Variants in ATG2A observed in about 807,000 individuals in gnomAD.
ATG2A encodes autophagy related 2A.
In ATG2A, 103 loss-of-function variants were observed where a neutral mutation model predicts 214.2. The observed-to-expected ratio is 0.48, with a 90% CI of 0.41 to 0.57. The LOEUF (loss-of-function observed/expected upper bound fraction) is 0.57. Among genes scored for constraint, ATG2A ranks in the 20% least tolerant of loss-of-function variants. The pLI, the probability that ATG2A is intolerant of heterozygous loss-of-function variation, is 0.00. For synonymous variants in ATG2A, 1,160 were observed against 1,142.1 expected (o/e 1.02, Z -0.32); for missense variants, 2,312 against 2,613.2 (o/e 0.88, Z 2.51).
rs1213167023 is a variant in ATG2A at position 64,903,900 on chromosome 11, G to A, written c.3465-240C>T. Among the ~76,000 whole-genome samples the A allele has an allele frequency of 6.6e-6, 1 of 152,218 alleles. No homozygotes were observed. The highest frequency in any genetic ancestry group is 6.5e-5 in the Admixed American group (1 of 15,282). On this transcript the variant is annotated intron_variant, in intron 24 of 40. Coordinates refer to ENST00000377264, the MANE Select transcript of ATG2A (RefSeq NM_015104.3). This position sits in a 1 kb window ranked among gnomAD's most constrained non-coding sequence, Gnocchi z 4.2. ...CTCAATGGGGCCTCATGACAGTCCTGGGAAGGGGTGTCCATTTTTCTCCCT... is the reference window on the plus strand; with the variant it reads ...CTCAATGGGGCCTCATGACAGTCCTAGGAAGGGGTGTCCATTTTTCTCCCT...
Position 64,913,378 on chromosome 11 carries a change from A to G in ATG2A, c.614T>C (p.Val205Ala), listed in dbSNP as rs1174048814. ...CGGCGGCGCCTGGCTTGGGTCCCGC[A>G]CTGCCTCATCACAGTACTCCAGTCT... ...VQRLEYCDEA[V>A]RDPSQAPPVD... The change falls in exon 5 of 41, where the codon GTG becomes GCG. Residue 205 changes from valine to alanine, a missense_variant. Val to Ala is a moderately conservative substitution (Grantham distance 64). Transcript: ENST00000377264. The surrounding 1 kb of genome is among the most constrained non-coding windows in gnomAD (Gnocchi z 4.3). 2 of 1,596,328 alleles carry G rather than the reference A, an allele frequency of 1.3e-6. No individual in the cohort carries two copies. The highest frequency in any genetic ancestry group is 1.7e-6 in the Non-Finnish European group (2 of 1,172,834).
In ATG2A at chr11:64,898,528, G is replaced by C; in HGVS notation, c.4671+108C>G. 1 of 1,404,282 alleles carries C rather than the reference G, an allele frequency of 7.1e-7. No individual in the cohort carries two copies. The highest frequency in any genetic ancestry group is 9.9e-7 in the Non-Finnish European group (1 of 1,012,184). 87.0% of individuals were successfully genotyped at this position (1,404,282 alleles called of 1,614,324 possible). ...TCTCCCAGGCTCACAAACAACCTGG[G>C]TGTTTGTGTGGGAATGCGTGTATGT... is the stretch of plus-strand genomic sequence containing the variant. On this transcript the variant is annotated intron_variant, in intron 32 of 40. Transcript: ENST00000377264. The surrounding 1 kb of genome is among the most constrained non-coding windows in gnomAD (Gnocchi z 4.5).
At position 64,911,101 on chromosome 11, in the gene ATG2A, C is replaced by A. The variant is rs201670826; in HGVS notation, c.1403G>T (p.Gly468Val). The A allele has an allele frequency of 1.2e-6, 2 of 1,614,020 alleles. No individual in the cohort carries two copies. Among genetic ancestry groups the A allele is most frequent in the East Asian group, 4.5e-5 (2 of 44,878 alleles). Residue 468 changes from glycine (G) to valine (V), a missense_variant, in exon 10 of 41, where the codon GGT (glycine) becomes GTT (valine). Transcript: ENST00000377264. ...EFDATKDGPFGSRDFHHLRPR... is the reference protein window; with the variant it reads ...EFDATKDGPFVSRDFHHLRPR... ...TCGAAGGTGATGGAAGTCTCGGGAA[C>A]CGAAGGGCCCATCCTTGGTGGCATC...
At position 64,897,925 on chromosome 11, in the gene ATG2A, G is replaced by A. The variant is rs770602801; in HGVS notation, c.4908C>T (p.Ala1636=). The A allele has an allele frequency of 8.4e-6, 13 of 1,551,364 alleles. No homozygotes were observed. The highest frequency in any genetic ancestry group is 1.7e-4 in the Middle Eastern group (1 of 5,764). ...GCGAACCAGTGGTCTCTACGCCTTC[G>A]GCCTGCCCTTCCAGGGGGCTGCTGG... ...AQPSSPLEGQ[A]EGVETTGSQE... is the part of the protein sequence containing the mutation. The change falls in exon 35 of 41, where the codon GCC becomes GCT. Residue 1636 remains alanine (A), a synonymous_variant. Coordinates refer to ENST00000377264, the MANE Select transcript of ATG2A (RefSeq NM_015104.3).
At position 64,909,017 on chromosome 11, in the gene ATG2A, TAG is replaced by T; in HGVS notation, c.2336_2337del (p.Ser779Ter). ...TCCTCTGTCTCATACATGGTCCTCT[TAG>T]AGGAGAAGGGCGAGGGCTCAGGTTC... ...LREPEPSPFS[S>X]KRTMYETEEM... On this transcript the variant is annotated frameshift_variant, in exon 16 of 41. Transcript: ENST00000377264. LOFTEE classifies it high-confidence loss of function. The T allele has an allele frequency of 6.2e-7, 1 of 1,603,540 alleles. No individual in the cohort carries two copies. The highest frequency in any genetic ancestry group is 8.5e-7 in the Non-Finnish European group (1 of 1,175,342).
At position 64,906,415 on chromosome 11, in the gene ATG2A, C is replaced by A; in HGVS notation, c.3102G>T (p.Ser1034=). The A allele has an allele frequency of 6.2e-7, 1 of 1,613,196 alleles. No homozygotes were observed. Among genetic ancestry groups the A allele is most frequent in the Non-Finnish European group, 8.5e-7 (1 of 1,180,008 alleles). Residue 1034 remains serine, a synonymous_variant, in exon 21 of 41, where the codon TCG becomes TCT. Transcript: ENST00000377264. ...GTCCCCGGCCCTGGCCCTTGCGGCC[C>A]GAGGCTCCCCGCTCGGTCACCCCTT... ...SEEGVTERGA[S]GRKGQGRGPH... is the part of the protein sequence containing the mutation.
rs772926397 is a variant in ATG2A, at chr11:64,894,907, G to A, written c.*66C>T. On this transcript the variant is annotated 3_prime_UTR_variant, in exon 41 of 41. Transcript: ENST00000377264. ...GGGCCAGGCCGGGCCGGGCCCGTGG[G>A]CTGCAGCTCTTGGGAGGCTCAGGAG... The A allele has an allele frequency of 1.3e-6, 2 of 1,580,272 alleles. No individual in the cohort carries two copies. The highest frequency in any genetic ancestry group is 1.7e-6 in the Non-Finnish European group (2 of 1,155,604).
rs189281733 is a variant in ATG2A at position 64,903,496 on chromosome 11, G to T, written c.3535+94C>A. On this transcript the variant is annotated intron_variant, in intron 25 of 40. Transcript: ENST00000377264. This position sits in a 1 kb window ranked among gnomAD's most constrained non-coding sequence, Gnocchi z 4.2. ...GGCTACGTGTGGGAGCTAAGGACCC[G>T]GCCAGCAGCTGCGGGGAGACACCTG... 4.0e-6 allele frequency: 6 copies of T among 1,482,344 alleles called. No individual in the cohort carries two copies. The allele number at this position is 1,482,344 out of a possible 1,614,324, so 91.8% of individuals were successfully genotyped here.
chr11:64,895,370 A>G lies in ATG2A; in HGVS notation c.5500T>C (p.Ser1834Pro), dbSNP rs759188147. 1 of 1,612,718 alleles carries G rather than the reference A, an allele frequency of 6.2e-7. No individual in the cohort carries two copies. Among genetic ancestry groups the G allele is most frequent in the Non-Finnish European group, 8.5e-7 (1 of 1,179,650 alleles). Residue 1834 changes from serine (S) to proline (P), a missense_variant, in exon 40 of 41, where the codon TCT becomes CCT. Transcript: ENST00000377264. This position sits in a 1 kb window ranked among gnomAD's most constrained non-coding sequence, Gnocchi z 5.0. ...TGGCCCCTGCGCAGCCTCCGCGCAGAGCGCTTATCCTGCAGGGAGCGGGAG... is the reference window on the plus strand; with the variant it reads ...TGGCCCCTGCGCAGCCTCCGCGCAGGGCGCTTATCCTGCAGGGAGCGGGAG... The part of the protein sequence containing the change: ...PVSRSLQDKR[S>P]ARRLRRGQQP...
At chr11:64,897,597 G>A (rs2136540673) in intron 36 of ATG2A, 74 bp downstream of exon 36, 1 of 1,608,034 alleles carries the variant, frequency 6.2e-7, no homozygotes. Context: ...GTGCCTGGAT[G>A]CAAGACCTGG....
intron 26 of ATG2A, 84 bp from the exon 27 acceptor site, chr11:64,902,764 G>T: frequency 7.7e-7 from 1 of 1,305,712 alleles, no homozygotes; most frequent in Non-Finnish European, 1.1e-6. Flanking sequence ...GGAGGGCACC[G>T]CAGTTCTGAT....
At position 64,896,852 on chromosome 11, in the gene ATG2A, T is replaced by C; in HGVS notation, c.5168A>G (p.Lys1723Arg). 1 of 1,613,986 alleles carries C rather than the reference T, an allele frequency of 6.2e-7. No individual in the cohort carries two copies. Among genetic ancestry groups the C allele is most frequent in the Non-Finnish European group, 8.5e-7 (1 of 1,179,918 alleles). Residue 1723 changes from lysine to arginine, a missense_variant, in exon 38 of 41, where the codon AAG (lysine) becomes AGG (arginine). Transcript: ENST00000377264. ...CTCGTTGAGGGCATAGCCCAGCACC[T>C]TGTCCACACCCAGGAGCCTGGCAGG... ...CCRHGLLGVDKVLGYALNEWL... is the reference protein window; with the variant it reads ...CCRHGLLGVDRVLGYALNEWL...
intron 21 of ATG2A, 69 bp downstream of exon 21, chr11:64,906,265 G>A: frequency 6.2e-7 from 1 of 1,606,654 alleles, no homozygotes; most frequent in Non-Finnish European, 8.5e-7. Context: ...ACCGCGCACT[G>A]GGGTCCCACC....
chr11:64,915,132 A>AC (rs34205615), intron 1 of ATG2A, among the ~76,000 whole-genome samples: 2,541 of 36,532 alleles, frequency 0.07, 159 homozygotes, highest in African/African-American at 0.21. Flanking sequence ...GCCAGATGGG[A>AC]CCCCCCCCCC....
chr11:64,916,361 C>T (rs899720529), intron 1 of ATG2A, among the ~76,000 whole-genome samples: 1 of 152,216 alleles, frequency 6.6e-6, no homozygotes, highest in African/African-American at 2.4e-5. Context: ...CCACTTGGCC[C>T]ATCCCACTCT....
At position 64,905,271 on chromosome 11, in the gene ATG2A, G is replaced by A. The variant is rs73474770; in HGVS notation, c.3464+292C>T. On this transcript the variant is annotated intron_variant, in intron 24 of 40. Transcript: ENST00000377264. ...GTGAGGCTTGTGATTTAACTGATAC[G>A]TTTTGGCTGTTTTAACTTATACTCC... Among the ~76,000 whole-genome samples the A allele has an allele frequency of 9.0e-3, 1,372 of 152,260 alleles. 18 individuals carry two copies. Among genetic ancestry groups the A allele is most frequent in the African/African-American group, 0.031 (1,290 of 41,532 alleles).
chr11:64,912,545 C>A, intron 6 of ATG2A, 122 bp from the exon 7 acceptor site: 1 of 783,972 alleles, frequency 1.3e-6, no homozygotes. Flanking sequence ...ACTCTGTTAC[C>A]AACTAGCTCT....
Position 64,903,219 on chromosome 11 carries a change from G to T in ATG2A, c.3612+69C>A. ...AGCCCAGGCACGTGAGGGAGCAGCA[G>T]CCCCTGAAGACTCCCTTGGCCCCTG... On this transcript the variant is annotated intron_variant, in intron 26 of 40. Transcript: ENST00000377264. The surrounding 1 kb of genome is among the most constrained non-coding windows in gnomAD (Gnocchi z 4.2). 6.9e-7 allele frequency: 1 copy of T among 1,445,346 alleles called. No homozygotes were observed. The allele number at this position is 1,445,346 out of a possible 1,614,324, so 89.5% of individuals were successfully genotyped here.
At chr11:64,905,942 C>A (rs1367662860) in intron 22 of ATG2A, 94 bp from the exon 23 acceptor site, 4 of 1,406,910 alleles carry the variant, frequency 2.8e-6, no homozygotes, top group Admixed American at 3.8e-5. Flanking sequence ...TGGCACCTCA[C>A]CTTCTGCCCA....
Sources: gnomAD v4.1 joint callset for allele counts (sites outside exome capture counted in the v4.1 genomes callset) on GRCh38, gnomAD v4.1.1 for gene constraint, Gnocchi (gnomAD v3.1) non-coding constraint, MANE v1.5 for transcripts, NCBI Gene and HGNC (gene_info 2026-07-23, HGNC 2026-07-21) for gene names.